GCNT4: variants seen among roughly 807,000 people sequenced by gnomAD.
GCNT4 encodes beta-1,3-galactosyl-O-glycosyl-glycoprotein beta-1,6-N-acetylglucosaminyltransferase 4.
Under a neutral mutation model 31.3 loss-of-function variants are expected in GCNT4, and 17 were observed. The ratio of observed to expected loss-of-function variants is 0.54; its 90% CI spans 0.37 to 0.81. The LOEUF (loss-of-function observed/expected upper bound fraction) is 0.81. GCNT4 is among the 40% of genes least tolerant of loss of function. GCNT4 has a pLI of 0.00. For synonymous variants in GCNT4, 158 were observed against 190.6 expected, an observed-to-expected ratio of 0.83 and a Z score of 1.41; for missense variants, 503 against 525.5, an observed-to-expected ratio of 0.96 and a Z score of 0.42.
intron 3 of GCNT4, 81 bp from the exon 4 acceptor site, chr5:75,030,119 A>G: frequency 7.6e-7 from 1 of 1,320,578 alleles, no homozygotes; most frequent in Non-Finnish European, 1.0e-6. Flanking sequence ...CTGGGCGCCT[A>G]CCACATACTA....
rs149227338 is a variant in GCNT4 at position 75,026,096 on chromosome 5, T to C, written c.*2580A>G. 18 of 152,278 alleles carry C rather than the reference T, an allele frequency of 1.2e-4. No individual in the cohort carries two copies. In the South Asian group the frequency reaches 3.3e-3, roughly 28 times the overall value. The allele number at this position is 152,278 out of a possible 1,614,324, so 9.4% of individuals were successfully genotyped here. ...TGTTAACAGACTGAGTCCAGAGAAA[T>C]GTGTGAATGTCTCGAAGGCACTTTC... is the stretch of plus-strand genomic sequence containing the variant. On this transcript the variant is annotated 3_prime_UTR_variant, in exon 4 of 4. Transcript: ENST00000652361.
At chr5:75,037,998 A>ACC (rs1743237427) in intron 3 of GCNT4, among the ~76,000 whole-genome samples, 1 of 151,214 alleles carries the variant, frequency 6.6e-6, no homozygotes, top group Non-Finnish European at 1.5e-5. Flanking sequence ...AATAAAGCTC[A>ACC]CCAGGGGCCC....
intron 2 of GCNT4, among the ~76,000 whole-genome samples, chr5:75,051,796 AAG>A (rs1390314597): frequency 1.3e-5 from 2 of 152,174 alleles, no homozygotes; most frequent in African/African-American, 4.8e-5. Context: ...CCCCAAAGAA[AAG>A]AGTATAAACC....
the GCNT4 span, among the ~76,000 whole-genome samples, chr5:75,019,353 T>C: frequency 1.3e-5 from 2 of 152,240 alleles, no homozygotes; most frequent in African/African-American, 4.8e-5. Flanking sequence ...GAAATAAATG[T>C]TTAAGTCATC....
intron 3 of GCNT4, among the ~76,000 whole-genome samples, chr5:75,032,448 A>C (rs1415889955): frequency 6.6e-6 from 1 of 152,168 alleles, no homozygotes; most frequent in Non-Finnish European, 1.5e-5. Context: ...ACTTATGGCA[A>C]GACCATCCAC....
At chr5:75,031,678 C>G (rs977705408) in intron 3 of GCNT4, among the ~76,000 whole-genome samples, 5 of 152,172 alleles carry the variant, frequency 3.3e-5, no homozygotes, top group South Asian at 2.1e-4. Context: ...GGAGGATTTA[C>G]TTATCACTGA....
At chr5:75,047,392 T>G (rs1361413115) in intron 3 of GCNT4, among the ~76,000 whole-genome samples, 3 of 152,232 alleles carry the variant, frequency 2.0e-5, no homozygotes, top group African/African-American at 7.2e-5. Flanking sequence ...AGGGAGCACA[T>G]GGCATCAAAA....
chr5:75,029,757 T>A lies in GCNT4; in HGVS notation c.281A>T (p.Asp94Val), dbSNP rs1244778457. Reference sequence around the variant, plus strand: ...ATCATCATCCTCCAAGTCAATGATGTCCCTTCTTCTTATTTCCAGACTCTT... The same window carrying A: ...ATCATCATCCTCCAAGTCAATGATGACCCTTCTTCTTATTTCCAGACTCTT... ...IGKSLEIRRR[D>V]IIDLEDDDVV... Residue 94 changes from aspartate (D) to valine (V), a missense_variant, in exon 4 of 4, where the codon GAC (aspartate) becomes GTC (valine). By Grantham distance (152) the Asp-to-Val change is radical. Transcript: ENST00000652361. The A allele has an allele frequency of 1.2e-6, 2 of 1,614,148 alleles. No homozygotes were observed. The highest frequency in any genetic ancestry group is 3.3e-5 in the Admixed American group (2 of 60,024).
intron 3 of GCNT4, among the ~76,000 whole-genome samples, chr5:75,034,277 C>T (rs986990243): frequency 6.6e-6 from 1 of 152,230 alleles, no homozygotes; most frequent in East Asian, 1.9e-4. Context: ...CCTTGGGACC[C>T]TCCCATTGGG....
chr5:75,029,662 T>C lies in GCNT4; in HGVS notation c.376A>G (p.Lys126Glu), dbSNP rs777453704. Residue 126 changes from lysine to glutamate, a missense_variant, in exon 4 of 4, where the codon AAG (lysine) becomes GAG (glutamate). Lys to Glu is a moderately conservative substitution (Grantham distance 56, BLOSUM62 1). Coordinates refer to ENST00000652361, the MANE Select transcript of GCNT4 (RefSeq NM_001366737.1). ...GCTATTGGGAAGCTTTTCTCCTCCT[T>C]TGAGACAAGCTTTTGAGCATAACCT... ...LRGYAQKLVS[K>E]EEKSFPIAYS... 12 of 1,614,122 alleles carry C rather than the reference T, an allele frequency of 7.4e-6. No homozygotes were observed. The highest frequency in any genetic ancestry group is 1.1e-5 in the South Asian group (1 of 91,066).
chr5:75,028,399 T>C lies in GCNT4; in HGVS notation c.*277A>G, dbSNP rs1742992811. The stretch of plus-strand genomic sequence containing the variant: ...AGTCTCTAAAAAAGTGCCTGTCATA[T>C]AGTTAGGTGCTCAATAATGTTTGAT... On this transcript the variant is annotated 3_prime_UTR_variant, in exon 4 of 4. Coordinates refer to ENST00000652361, the MANE Select transcript of GCNT4 (RefSeq NM_001366737.1). 5.1e-6 allele frequency: 2 copies of C among 389,278 alleles called. No individual in the cohort carries two copies. The highest frequency in any genetic ancestry group is 4.6e-6 in the Non-Finnish European group (1 of 219,570). 24.1% of individuals were successfully genotyped at this position (389,278 alleles called of 1,614,324 possible).
intron 3 of GCNT4, among the ~76,000 whole-genome samples, chr5:75,038,371 T>C (rs1269370373): frequency 6.6e-6 from 1 of 152,200 alleles, no homozygotes; most frequent in Admixed American, 6.5e-5. Context: ...GTTGAGCCCA[T>C]ATTTCTTCTC....
intron 3 of GCNT4, among the ~76,000 whole-genome samples, chr5:75,046,947 C>G (rs1317743628): frequency 2.0e-5 from 3 of 152,200 alleles, no homozygotes; most frequent in Admixed American, 6.5e-5. Context: ...ACTTAACAGT[C>G]TTATCAAGGA....
upstream of GCNT4, among the ~76,000 whole-genome samples, chr5:75,053,147 T>G (rs1049248392): frequency 6.6e-6 from 1 of 151,730 alleles, no homozygotes; most frequent in Non-Finnish European, 1.5e-5. Flanking sequence ...CTCGGGGAAC[T>G]TCCCCGCGTC....
chr5:75,030,882 C>T (rs190631065), intron 3 of GCNT4: 2 of 167,132 alleles, frequency 1.2e-5, no homozygotes, highest in African/African-American at 4.8e-5. Context: ...TCTCAAACAT[C>T]CTTGAACAGT....
chr5:75,035,744 G>T (rs1743183621), intron 3 of GCNT4, among the ~76,000 whole-genome samples: 1 of 152,172 alleles, frequency 6.6e-6, no homozygotes, highest in Non-Finnish European at 1.5e-5. Flanking sequence ...CTCCCAGAGG[G>T]ATGGGCAGGC....
At chr5:75,023,710 T>C (rs188322282), downstream of GCNT4, 9 of 152,328 alleles carry the variant, frequency 5.9e-5, no homozygotes, top group Admixed American at 5.9e-4. Flanking sequence ...AGAACTATAA[T>C]GCTTTTGTCA....
intron 3 of GCNT4, among the ~76,000 whole-genome samples, chr5:75,035,213 C>G (rs1743169821): frequency 6.6e-6 from 1 of 152,256 alleles, no homozygotes; most frequent in South Asian, 2.1e-4. Flanking sequence ...GCATTCAGGG[C>G]TAAATGGCTA....
Position 75,047,936 on chromosome 5 carries a change from T to C in GCNT4, c.-41A>G, listed in dbSNP as rs1191118596. On this transcript the variant is annotated 5_prime_UTR_variant, in exon 3 of 4. Transcript: ENST00000652361. The stretch of plus-strand genomic sequence containing the variant: ...CAAAGAAAACCCCAGGCTGATGGTA[T>C]AAACAGCGTAGGGAAAGGAACATCA... The C allele has an allele frequency of 6.6e-6, 1 of 152,154 alleles. No homozygotes were observed. The highest frequency in any genetic ancestry group is 2.4e-5 in the African/African-American group (1 of 41,436). The allele number at this position is 152,154 out of a possible 1,614,324, so 9.4% of individuals were successfully genotyped here.
Sources: allele counts gnomAD v4.1 joint callset (sites outside exome capture counted in the v4.1 genomes callset), GRCh38; gene constraint gnomAD v4.1.1; transcripts MANE v1.5; gene names NCBI Gene and HGNC (gene_info 2026-07-23, HGNC 2026-07-21).